LRFN5: variants seen among roughly 807,000 people sequenced by gnomAD.
LRFN5 encodes leucine-rich repeat and fibronectin type-III domain-containing protein 5.
LRFN5 carries 24 observed loss-of-function variants against 45.6 expected under a neutral mutation model. The ratio of observed to expected loss-of-function variants is 0.53; its 90% CI spans 0.38 to 0.74. The LOEUF is 0.74. LRFN5 is among the 30% of genes least tolerant of loss of function. The pLI is 0.00. For synonymous variants in LRFN5, 340 were observed against 313.8 expected, an observed-to-expected ratio of 1.08 and a Z score of -0.88; for missense variants, 776 against 861.5, an observed-to-expected ratio of 0.90 and a Z score of 1.24.
At chr14:41,832,306 G>T (rs890114258) in intron 2 of LRFN5, among the ~76,000 whole-genome samples, 2 of 152,128 alleles carry the variant, frequency 1.3e-5, no homozygotes, top group African/African-American at 4.8e-5. Context: ...TTAATCACAG[G>T]ATGTAAAAGT....
intron 2 of LRFN5, among the ~76,000 whole-genome samples, chr14:41,771,221 GC>G (rs1228409877): frequency 2.0e-5 from 3 of 150,342 alleles, no homozygotes; most frequent in Admixed American, 6.6e-5. Context: ...TCGCCCAGAG[GC>G]CCAGGAGAAT....
intron 3 of LRFN5, among the ~76,000 whole-genome samples, chr14:41,889,002 CAT>C (rs5808161): frequency 0.019 from 2,864 of 147,796 alleles, 32 homozygotes; most frequent in African/African-American, 0.027. Flanking sequence ...TATGTATACA[CAT>C]ATATATATGT....
At chr14:41,737,545 G>A (rs997446337) in intron 1 of LRFN5, among the ~76,000 whole-genome samples, 3 of 152,016 alleles carry the variant, frequency 2.0e-5, no homozygotes, top group Non-Finnish European at 4.4e-5. Context: ...TCAAATAGGA[G>A]AGAGGAAATC....
In LRFN5 at chr14:41,792,891, T is replaced by C. The variant is rs115555180; in HGVS notation, c.-21+25862T>C. On this transcript the variant is annotated intron_variant, in intron 2 of 5. Transcript: ENST00000298119. ...CAGGCATAACAAATTATAAAAGTAT[T>C]ACTTGGTTTTTTGTTTGTACACTGC... Among the ~76,000 whole-genome samples, 1,352 of 151,642 alleles carry C rather than the reference T, an allele frequency of 8.9e-3. 34 individuals carry two copies. The highest frequency in any genetic ancestry group is 0.03 in the African/African-American group (1,226 of 41,360).
At chr14:41,895,303 C>T (rs761604270) in intron 4 of LRFN5, among the ~76,000 whole-genome samples, 2 of 152,022 alleles carry the variant, frequency 1.3e-5, no homozygotes, top group African/African-American at 4.8e-5. Flanking sequence ...TATATAAATA[C>T]ATAAAAAGAT....
chr14:41,787,508 T>G (rs559905751), intron 2 of LRFN5, among the ~76,000 whole-genome samples: 1 of 113,646 alleles, frequency 8.8e-6, no homozygotes, highest in African/African-American at 3.0e-5. Flanking sequence ...GCACTTTTTT[T>G]GTCTTTTTTT....
At position 41,891,752 on chromosome 14, in the gene LRFN5, C is replaced by T. The variant is rs1232791461; in HGVS notation, c.1888C>T (p.Pro630Ser). 1.9e-6 allele frequency: 3 copies of T among 1,614,040 alleles called. No homozygotes were observed. Among genetic ancestry groups the T allele is most frequent in the East Asian group, 2.2e-5 (1 of 44,886 alleles). Residue 630 changes from proline to serine, a missense_variant, in exon 4 of 6, where the codon CCT becomes TCT. Transcript: ENST00000298119. ...QDSSTTTSAL[P>S]PSWTSSTSVS... Reference sequence around the variant, plus strand: ...CTCCTCTACCACTACCTCTGCTTTGCCTCCTTCCTGGACTTCAAGCACTTC... The same window carrying T: ...CTCCTCTACCACTACCTCTGCTTTGTCTCCTTCCTGGACTTCAAGCACTTC...
chr14:41,705,093 A>G (rs1308350789), intron 1 of LRFN5, among the ~76,000 whole-genome samples: 1 of 152,054 alleles, frequency 6.6e-6, no homozygotes, highest in Non-Finnish European at 1.5e-5. Flanking sequence ...AAAATGTACC[A>G]TTTTTCAAAA....
At chr14:41,687,156 A>G (rs1882158976) in intron 1 of LRFN5, among the ~76,000 whole-genome samples, 1 of 152,112 alleles carries the variant, frequency 6.6e-6, no homozygotes, top group Non-Finnish European at 1.5e-5. Flanking sequence ...TACAATAAAA[A>G]AACATCAAAA....
At chr14:41,877,315 A>AT (rs1385667774) in intron 2 of LRFN5, among the ~76,000 whole-genome samples, 1 of 152,146 alleles carries the variant, frequency 6.6e-6, no homozygotes, top group East Asian at 1.9e-4. Context: ...CTGCTAATAA[A>AT]TTTTCAAAAT....
At chr14:41,759,448 TACACACAC>T (rs569216156) in intron 1 of LRFN5, among the ~76,000 whole-genome samples, 1,195 of 109,714 alleles carry the variant, frequency 0.011, 28 homozygotes, top group Admixed American at 0.071. Context: ...TCTCTCTCTC[TACACACAC>T]ACACACACAC....
intron 2 of LRFN5, among the ~76,000 whole-genome samples, chr14:41,778,384 C>G (rs76228126): frequency 0.012 from 1,844 of 151,746 alleles, 9 homozygotes; most frequent in Middle Eastern, 0.034. Flanking sequence ...TGGGCTATAA[C>G]TTCAAAATTT....
chr14:41,884,051 A>G (rs1246989928), intron 2 of LRFN5, among the ~76,000 whole-genome samples: 1 of 152,002 alleles, frequency 6.6e-6, no homozygotes, highest in Non-Finnish European at 1.5e-5. Flanking sequence ...CTCTTTTTCA[A>G]TAACTCTCTT....
chr14:41,807,046 G>T (rs970876408), intron 2 of LRFN5, among the ~76,000 whole-genome samples: 1 of 152,074 alleles, frequency 6.6e-6, no homozygotes, highest in Admixed American at 6.6e-5. Flanking sequence ...AGACTAACTT[G>T]CATGGCTGTT....
intron 1 of LRFN5, among the ~76,000 whole-genome samples, chr14:41,610,791 T>C (rs1422434545): frequency 6.6e-6 from 1 of 151,970 alleles, no homozygotes; most frequent in African/African-American, 2.4e-5. Context: ...TTTTTGTCTT[T>C]TAATGAATTT....
intron 1 of LRFN5, among the ~76,000 whole-genome samples, chr14:41,670,304 T>TATAC (rs1881140930): frequency 1.6e-4 from 3 of 18,774 alleles, no homozygotes; most frequent in Non-Finnish European, 2.8e-4. Flanking sequence ...TATATATATA[T>TATAC]ACACACACAC....
At chr14:41,805,339 A>G (rs895996810) in intron 2 of LRFN5, among the ~76,000 whole-genome samples, 1 of 150,724 alleles carries the variant, frequency 6.6e-6, no homozygotes, top group African/African-American at 2.4e-5. Context: ...GCAGATTTGG[A>G]TAATTGGAAG....
intron 2 of LRFN5, among the ~76,000 whole-genome samples, chr14:41,859,174 AAC>A (rs1212587931): frequency 1.3e-5 from 2 of 152,318 alleles, no homozygotes; most frequent in South Asian, 2.1e-4. Context: ...CTGAAAATTT[AAC>A]AGTCTTCCAT....
At chr14:41,757,392 TG>T (rs1224275585) in intron 1 of LRFN5, among the ~76,000 whole-genome samples, 1 of 152,176 alleles carries the variant, frequency 6.6e-6, no homozygotes, top group Non-Finnish European at 1.5e-5. Context: ...CCTTGAACTG[TG>T]GTGGGCTTCA....
Sources: allele counts gnomAD v4.1 joint callset (sites outside exome capture counted in the v4.1 genomes callset), GRCh38; gene constraint gnomAD v4.1.1; transcripts MANE v1.5; gene names NCBI Gene and HGNC (gene_info 2026-07-23, HGNC 2026-07-21).